Variants in DOCK7 observed in about 807,000 individuals in gnomAD.
The protein encoded by DOCK7 is dedicator of cytokinesis protein 7.
Under a neutral mutation model 271.0 loss-of-function variants are expected in DOCK7, and 138 were observed. That is an observed-to-expected ratio of 0.51 (90% CI 0.44 to 0.59). DOCK7 has a LOEUF of 0.59. DOCK7 is among the 20% of genes least tolerant of loss of function. The pLI, the probability that DOCK7 is intolerant of heterozygous loss-of-function variation, is 0.00. For missense variants in DOCK7, 2,066 were observed against 2,592.4 expected, an observed-to-expected ratio of 0.80 and a Z score of 4.41; for synonymous variants, 823 against 876.1, an observed-to-expected ratio of 0.94 and a Z score of 1.07.
At position 62,455,571 on chromosome 1, in the gene DOCK7, T is replaced by TA. The variant is rs1374906578; in HGVS notation, c.6381-116dup. The TA allele has an allele frequency of 1.6e-5, 15 of 945,928 alleles. No homozygotes were observed. The East Asian group carries it at 2.9e-4, about 18-fold the overall frequency. The allele number at this position is 945,928 out of a possible 1,614,324, so 58.6% of individuals were successfully genotyped here. A position where few individuals can be genotyped will look rare whatever the true frequency, so the allele number is the denominator to read the frequency against. On this transcript the variant is annotated intron_variant, in intron 49 of 49. Transcript: ENST00000635253. ...ACCTTAAAGTTTTGCCACCATTTCT[T>TA]ACTAACTTCCAAGTTGGATGCTCAT...
chr1:62,595,046 A>G (rs1469001558), intron 14 of DOCK7, among the ~76,000 whole-genome samples: 2 of 152,162 alleles, frequency 1.3e-5, no homozygotes, highest in East Asian at 1.9e-4. Context: ...GAACCAGAGT[A>G]AAGGGTAAGA....
In DOCK7 at chr1:62,528,269, G is replaced by T. The variant is rs1645073924; in HGVS notation, c.3818C>A (p.Ala1273Asp). The change falls in exon 31 of 50, where the codon GCC becomes GAC. Residue 1273 changes from alanine (A) to aspartate (D), a missense_variant. By Grantham distance (126) the Ala-to-Asp change is moderately radical. Coordinates refer to ENST00000635253, the MANE Select transcript of DOCK7 (RefSeq NM_001367561.1). The stretch of plus-strand genomic sequence containing the variant: ...GCTCTCACTTTCATAATCATCAGTG[G>T]CTATACAAATTGGTCTTCCTCGTTG... Reference protein sequence around the residue: ...HNQRGRPICIATDDYESESGS... With the variant: ...HNQRGRPICIDTDDYESESGS... The T allele has an allele frequency of 6.2e-7, 1 of 1,612,860 alleles. No individual in the cohort carries two copies. The highest frequency in any genetic ancestry group is 1.1e-5 in the South Asian group (1 of 90,840).
At chr1:62,596,996 A>C (rs568447559) in intron 14 of DOCK7, among the ~76,000 whole-genome samples, 2 of 152,306 alleles carry the variant, frequency 1.3e-5, no homozygotes, top group South Asian at 2.1e-4. Flanking sequence ...AAAAATGAGG[A>C]GCATATAATT....
At chr1:62,604,004 A>G (rs766807843) in intron 14 of DOCK7, 11 of 1,613,106 alleles carry the variant, frequency 6.8e-6, no homozygotes, top group South Asian at 2.2e-5. Context: ...GATATACTCC[A>G]TAGTGAAGCA....
At chr1:62,598,546 T>C in intron 14 of DOCK7, 1 of 615,436 alleles carries the variant, frequency 1.6e-6, no homozygotes, top group East Asian at 2.9e-5. Flanking sequence ...TATGTGCTAT[T>C]TGAAAGAAGC....
intron 41 of DOCK7, 131 bp downstream of exon 41, chr1:62,492,573 C>G: frequency 8.9e-7 from 1 of 1,125,830 alleles, no homozygotes; most frequent in Non-Finnish European, 1.3e-6. Flanking sequence ...CAGGCATGAG[C>G]CACCATACTG....
chr1:62,519,775 T>TA lies in DOCK7; in HGVS notation c.3937-5878dup, dbSNP rs539758575. ...TTGAATAAATAAGATACACATTTTT[T>TA]AAAAAAAATGCCTGTATAGCCAAGA... On this transcript the variant is annotated intron_variant, in intron 31 of 49. Transcript: ENST00000635253. Among the ~76,000 whole-genome samples the TA allele has an allele frequency of 2.4e-4, 37 of 151,804 alleles. No homozygotes were observed. The East Asian group carries it at 5.4e-3, about 22-fold the overall frequency.
At chr1:62,490,709 C>A (rs955221112) in intron 41 of DOCK7, among the ~76,000 whole-genome samples, 1 of 152,038 alleles carries the variant, frequency 6.6e-6, no homozygotes, top group Non-Finnish European at 1.5e-5. Context: ...AGGTTACTGT[C>A]CCCCAATCTA....
At chr1:62,660,486 G>C (rs1215887492) in intron 2 of DOCK7, among the ~76,000 whole-genome samples, 1 of 152,130 alleles carries the variant, frequency 6.6e-6, no homozygotes, top group East Asian at 1.9e-4. Flanking sequence ...TAACAAGTGT[G>C]GACAACAATA....
chr1:62,676,458 A>C (rs1337332662), intron 1 of DOCK7, among the ~76,000 whole-genome samples: 1 of 152,218 alleles, frequency 6.6e-6, no homozygotes, highest in Non-Finnish European at 1.5e-5. Flanking sequence ...TGATGGTTTC[A>C]CAGCTGTTAA....
chr1:62,631,790 TG>T (rs1654659326), intron 10 of DOCK7, among the ~76,000 whole-genome samples: 1 of 152,158 alleles, frequency 6.6e-6, no homozygotes, highest in Non-Finnish European at 1.5e-5. Flanking sequence ...CTATAAAAGA[TG>T]GAAGTAGCTG....
intron 25 of DOCK7, among the ~76,000 whole-genome samples, chr1:62,541,695 G>A (rs1289277929): frequency 6.6e-6 from 1 of 152,108 alleles, no homozygotes; most frequent in African/African-American, 2.4e-5. Flanking sequence ...GTCAGCAGTA[G>A]GCTATTAGTA....
At chr1:62,649,435 G>A (rs1425636991) in intron 4 of DOCK7, among the ~76,000 whole-genome samples, 3 of 152,078 alleles carry the variant, frequency 2.0e-5, no homozygotes, top group Admixed American at 6.5e-5. Context: ...TATTTTCTCT[G>A]AAAGAACTAA....
intron 1 of DOCK7, among the ~76,000 whole-genome samples, chr1:62,667,820 C>A (rs1443205611): frequency 6.6e-6 from 1 of 152,120 alleles, no homozygotes; most frequent in Non-Finnish European, 1.5e-5. Flanking sequence ...GAGTTCGCGA[C>A]CAGTCTGGCC....
rs142589093 is a variant in DOCK7 at position 62,598,868 on chromosome 1, C to T, written c.1683-12244G>A. The T allele has an allele frequency of 3.0e-5, 30 of 994,032 alleles. No homozygotes were observed. The East Asian group carries it at 7.4e-4, about 24-fold the overall frequency. 61.6% of individuals were successfully genotyped at this position (994,032 alleles called of 1,614,324 possible). ...CACAGGTCTGTAAAAACACTGAATCCTAAAATTATTTACAAGCTTTAACTG... is the reference window on the plus strand; with the variant it reads ...CACAGGTCTGTAAAAACACTGAATCTTAAAATTATTTACAAGCTTTAACTG... On this transcript the variant is annotated intron_variant, in intron 14 of 49. Transcript: ENST00000635253.
intron 30 of DOCK7, 53 bp from the exon 31 acceptor site, chr1:62,528,358 C>A: frequency 6.7e-7 from 1 of 1,499,872 alleles, no homozygotes; most frequent in Non-Finnish European, 9.0e-7. Flanking sequence ...TGAACTAATT[C>A]CCTTTCCTAT....
chr1:62,633,531 T>G lies in DOCK7; in HGVS notation c.1083A>C (p.Pro361=), dbSNP rs780562457. ...QQGDIGECAE[P]YMIFKEADAT... ...CATCTGCTTCTTTGAAAATCATATA[T>G]GGTTCTGCACACTCTCCAATGTCTC... The change falls in exon 10 of 50, where the codon CCA becomes CCC. Residue 361 remains proline (P), a synonymous_variant. Transcript: ENST00000635253. 1.9e-6 allele frequency: 3 copies of G among 1,613,304 alleles called. No individual in the cohort carries two copies. Among genetic ancestry groups the G allele is most frequent in the Admixed American group, 3.3e-5 (2 of 59,960 alleles).
At chr1:62,507,908 C>G in intron 35 of DOCK7, 54 bp downstream of exon 35, 1 of 1,538,656 alleles carries the variant, frequency 6.5e-7, no homozygotes, top group Non-Finnish European at 8.9e-7. Flanking sequence ...ACTTTTCCCT[C>G]CAACCTCAAT....
chr1:62,619,812 TAA>T, intron 13 of DOCK7, 86 bp downstream of exon 13: 2 of 621,636 alleles, frequency 3.2e-6, no homozygotes, highest in Non-Finnish European at 2.6e-6. Context: ...GCCAGATAAA[TAA>T]AAAAAAAAGA....
Sources: allele counts gnomAD v4.1 joint callset (sites outside exome capture counted in the v4.1 genomes callset), GRCh38; gene constraint gnomAD v4.1.1; transcripts MANE v1.5; gene names NCBI Gene and HGNC (gene_info 2026-07-23, HGNC 2026-07-21).